The following ANKRD13B variants were observed in gnomAD, a reference collection of about 807,000 sequenced individuals.
ANKRD13B encodes the protein ankyrin repeat domain 13B.
ANKRD13B carries 33 observed loss-of-function variants against 74.4 expected under a neutral mutation model. That is an observed-to-expected ratio of 0.44 (90% CI 0.34 to 0.59). The LOEUF is 0.59. ANKRD13B is among the 20% of genes least tolerant of loss of function. The probability of loss-of-function intolerance (pLI) is 0.02; values close to 1 mark genes in which losing one functional copy is unlikely to be tolerated. For synonymous variants in ANKRD13B, 341 were observed against 362.9 expected, an observed-to-expected ratio of 0.94 and a Z score of 0.68; for missense variants, 676 against 877.9, an observed-to-expected ratio of 0.77 and a Z score of 2.91.
intron 1 of ANKRD13B, among the ~76,000 whole-genome samples, chr17:29,605,802 T>G (rs1043794549): frequency 6.6e-6 from 1 of 152,024 alleles, no homozygotes; most frequent in African/African-American, 2.4e-5. Context: ...TTTCTCATTG[T>G]TTATGGTGGC....
chr17:29,611,446 G>A lies in ANKRD13B; in HGVS notation c.905-133G>A. 1 of 838,302 alleles carries A rather than the reference G, an allele frequency of 1.2e-6. No individual in the cohort carries two copies. The highest frequency in any genetic ancestry group is 2.6e-5 in the East Asian group (1 of 39,196). The allele number at this position is 838,302 out of a possible 1,614,324, so 51.9% of individuals were successfully genotyped here. A position where few individuals can be genotyped will look rare whatever the true frequency, so the allele number is the denominator to read the frequency against. ...GTCCCCTTCAGGTGAAGGTGCCTGAGTATGTGGTTGGGTGAGCAGGCCCCA... is the reference window on the plus strand; with the variant it reads ...GTCCCCTTCAGGTGAAGGTGCCTGAATATGTGGTTGGGTGAGCAGGCCCCA... On this transcript the variant is annotated intron_variant, in intron 8 of 14. Coordinates refer to ENST00000394859, the MANE Select transcript of ANKRD13B (RefSeq NM_152345.5). This position sits in a 1 kb window ranked among gnomAD's most constrained non-coding sequence, Gnocchi z 4.3.
At chr17:29,606,190 C>A (rs758060233) in intron 1 of ANKRD13B, among the ~76,000 whole-genome samples, 1 of 151,194 alleles carries the variant, frequency 6.6e-6, no homozygotes, top group Non-Finnish European at 1.5e-5. Context: ...GGATTACAGG[C>A]GTGAGCTACC....
At chr17:29,610,268 C>A (rs1341531861) in intron 7 of ANKRD13B, among the ~76,000 whole-genome samples, 1 of 151,054 alleles carries the variant, frequency 6.6e-6, no homozygotes, top group African/African-American at 2.4e-5. Flanking sequence ...CAGGAACTAA[C>A]AAATGCCATG....
At chr17:29,601,245 A>G (rs2034166405) in intron 1 of ANKRD13B, among the ~76,000 whole-genome samples, 1 of 142,650 alleles carries the variant, frequency 7.0e-6, no homozygotes, top group African/African-American at 2.6e-5. Flanking sequence ...TTTTTGAGAC[A>G]GAGTCTCTCT....
rs758501197 is a variant in ANKRD13B, at chr17:29,607,786, C to T, written c.159C>T (p.His53=). The change falls in exon 2 of 15, where the codon CAC becomes CAT. Residue 53 remains histidine, a synonymous_variant. Transcript: ENST00000394859. The stretch of plus-strand genomic sequence containing the variant: ...ATCCCCGCGGCCGGACTCCCCTGCA[C>T]CTGGCCACCACGCTGGGGCACCTTG... ...QLDPRGRTPL[H]LATTLGHLEC... is the part of the protein sequence containing the mutation. 3.7e-6 allele frequency: 6 copies of T among 1,603,044 alleles called. No homozygotes were observed. In the East Asian group the frequency reaches 1.1e-4, roughly 30 times the overall value.
chr17:29,601,587 C>T (rs542294101), intron 1 of ANKRD13B, among the ~76,000 whole-genome samples: 1 of 152,288 alleles, frequency 6.6e-6, no homozygotes, highest in South Asian at 2.1e-4. Context: ...ATTCAAGTTT[C>T]TATCTGGGAT....
chr17:29,612,160 T>C lies in ANKRD13B; in HGVS notation c.1145T>C (p.Leu382Pro). The change falls in exon 11 of 15, where the codon CTG becomes CCG. Residue 382 changes from leucine to proline, a missense_variant. Physicochemically the swap from Leu to Pro is moderately conservative, Grantham distance 98. Transcript: ENST00000394859. This position sits in a 1 kb window ranked among gnomAD's most constrained non-coding sequence, Gnocchi z 6.1. ...CTGTGTGAGGAGCATCCCCTGTCCC[T>C]GTGTGAGCAGGTGGCCCCCATCATT... is the stretch of plus-strand genomic sequence containing the variant. The part of the protein sequence containing the change: ...LWLCEEHPLS[L>P]CEQVAPIIDL... 1 of 1,614,172 alleles carries C rather than the reference T, an allele frequency of 6.2e-7. No individual in the cohort carries two copies. Among genetic ancestry groups the C allele is most frequent in the Non-Finnish European group, 8.5e-7 (1 of 1,180,022 alleles).
chr17:29,612,991 C>T lies in ANKRD13B; in HGVS notation c.1652+28C>T, dbSNP rs1194335547. 6.3e-7 allele frequency: 1 copy of T among 1,587,230 alleles called. No individual in the cohort carries two copies. The highest frequency in any genetic ancestry group is 8.5e-7 in the Non-Finnish European group (1 of 1,174,500). On this transcript the variant is annotated intron_variant, in intron 14 of 14. Transcript: ENST00000394859. The surrounding 1 kb of genome is among the most constrained non-coding windows in gnomAD (Gnocchi z 6.1). ...CAGTGCCCGCTGGGCCGGAGAGAAT[C>T]CTCCGGAGAGGATCCTGTCTCCCCT... is the stretch of plus-strand genomic sequence containing the variant.
chr17:29,613,529 C>CAGGAGG lies in ANKRD13B; in HGVS notation c.1837_1842dup (p.Glu613_Glu614dup), dbSNP rs1316550163. 2 of 1,524,562 alleles carry CAGGAGG rather than the reference C, an allele frequency of 1.3e-6. No homozygotes were observed. Among genetic ancestry groups the CAGGAGG allele is most frequent in the Non-Finnish European group, 1.8e-6 (2 of 1,138,498 alleles). The allele number at this position is 1,524,562 out of a possible 1,614,324, so 94.4% of individuals were successfully genotyped here. A position where few individuals can be genotyped will look rare whatever the true frequency, so the allele number is the denominator to read the frequency against. On this transcript the variant is annotated inframe_insertion, in exon 15 of 15. Coordinates refer to ENST00000394859, the MANE Select transcript of ANKRD13B (RefSeq NM_152345.5). ...GGAGGAGAGGCGGCGGCGCGCGCGC[C>CAGGAGG]AGGAGGAGGAGGAGCTGGAGCGCAT...
At chr17:29,593,895 A>C (rs1467359594) in intron 1 of ANKRD13B, 160 bp downstream of exon 1, 69 of 315,764 alleles carry the variant, frequency 2.2e-4, no homozygotes, top group Middle Eastern at 9.1e-4. Flanking sequence ...GGAAAGGGTG[A>C]TCCCCTCCGG....
chr17:29,597,398 G>A (rs114148991), intron 1 of ANKRD13B, among the ~76,000 whole-genome samples: 390 of 152,272 alleles, frequency 2.6e-3, no homozygotes, highest in African/African-American at 9.2e-3. Flanking sequence ...GAGCGTACGA[G>A]TGTGTATCTG....
At position 29,612,813 on chromosome 17, in the gene ANKRD13B, C is replaced by T. The variant is rs374216804; in HGVS notation, c.1573C>T (p.Gln525Ter). ...GCTTGAGGCGGGCAGTGAGTATGAC[C>T]AGGTGCGTCTCCGCGGGCGCGCGGG... ...SLLEAGSEYD[Q>*]VTIWEALTNS... The change falls in exon 13 of 15, where the codon CAG (glutamine) becomes TAG (stop). Residue 525 changes from glutamine to a stop codon, truncating the protein, a stop_gained and splice_region_variant. Coordinates refer to ENST00000394859, the MANE Select transcript of ANKRD13B (RefSeq NM_152345.5). LOFTEE classifies it high-confidence loss of function. The surrounding 1 kb of genome is among the most constrained non-coding windows in gnomAD (Gnocchi z 6.1). The T allele has an allele frequency of 6.2e-7, 1 of 1,602,356 alleles. No individual in the cohort carries two copies. Among genetic ancestry groups the T allele is most frequent in the South Asian group, 1.1e-5 (1 of 90,804 alleles).
chr17:29,612,474 C>G lies in ANKRD13B; in HGVS notation c.1331C>G (p.Pro444Arg). ...CTCAACGGCTGCGACGAACCGGTGC[C>G]ATCGGTGCGAGGCAGCCCCAGCAGC... ...GNLNGCDEPV[P>R]SVRGSPSSET... The change falls in exon 12 of 15, where the codon CCA (proline) becomes CGA (arginine). Residue 444 changes from proline to arginine, a missense_variant. This residue lies in a region of ANKRD13B where 152 missense variants were observed against 181.4 expected (regional missense o/e 0.84). Transcript: ENST00000394859. The surrounding 1 kb of genome is among the most constrained non-coding windows in gnomAD (Gnocchi z 6.1). 6.3e-7 allele frequency: 1 copy of G among 1,599,270 alleles called. No homozygotes were observed. The highest frequency in any genetic ancestry group is 8.5e-7 in the Non-Finnish European group (1 of 1,172,978).
chr17:29,612,528 C>T lies in ANKRD13B; in HGVS notation c.1385C>T (p.Ser462Phe). 1 of 1,568,214 alleles carries T rather than the reference C, an allele frequency of 6.4e-7. No homozygotes were observed. The highest frequency in any genetic ancestry group is 8.6e-7 in the Non-Finnish European group (1 of 1,156,640). The change falls in exon 12 of 15, where the codon TCC (serine) becomes TTC (phenylalanine). Residue 462 changes from serine to phenylalanine, a missense_variant. Around this residue, in one of 4 missense-constraint regions of ANKRD13B, gnomAD observed 152 missense variants for 181.4 expected, o/e 0.84. Transcript: ENST00000394859. This position sits in a 1 kb window ranked among gnomAD's most constrained non-coding sequence, Gnocchi z 6.1. ...SETPSPGSDS[S>F]SVSSSSSTTS... ...ACGCCTTCCCCAGGCAGCGACTCCT[C>T]CAGCGTCAGCAGCTCCAGCTCCACG... is the stretch of plus-strand genomic sequence containing the variant.
chr17:29,594,552 A>G lies in ANKRD13B; in HGVS notation c.114+817A>G, dbSNP rs573859674. The stretch of plus-strand genomic sequence containing the variant: ...CCATGCTTCAGGATGTCTTCTGGCC[A>G]TGCTTCAGAACAAAGGCAGGCACAG... On this transcript the variant is annotated intron_variant, in intron 1 of 14. Coordinates refer to ENST00000394859, the MANE Select transcript of ANKRD13B (RefSeq NM_152345.5). Among the ~76,000 whole-genome samples the G allele has an allele frequency of 2.0e-5, 3 of 152,318 alleles. No homozygotes were observed. In the South Asian group the frequency reaches 6.2e-4, roughly 32 times the overall value.
In ANKRD13B at chr17:29,613,521, G is replaced by A; in HGVS notation, c.1820G>A (p.Arg607His). 1 of 1,525,210 alleles carries A rather than the reference G, an allele frequency of 6.6e-7. No individual in the cohort carries two copies. The highest frequency in any genetic ancestry group is 8.8e-7 in the Non-Finnish European group (1 of 1,138,842). The allele number at this position is 1,525,210 out of a possible 1,614,324, so 94.5% of individuals were successfully genotyped here. A position where few individuals can be genotyped will look rare whatever the true frequency, so the allele number is the denominator to read the frequency against. Residue 607 changes from arginine (R) to histidine (H), a missense_variant, in exon 15 of 15, where the codon CGC becomes CAC. Transcript: ENST00000394859. Reference sequence around the variant, plus strand: ...CAGGAGCAGGAGGAGAGGCGGCGGCGCGCGCGCCAGGAGGAGGAGGAGCTG... The same window carrying A: ...CAGGAGCAGGAGGAGAGGCGGCGGCACGCGCGCCAGGAGGAGGAGGAGCTG... ...SAQEQEERRR[R>H]ARQEEEELER...
chr17:29,600,634 A>G (rs981927672), intron 1 of ANKRD13B, among the ~76,000 whole-genome samples: 10 of 152,074 alleles, frequency 6.6e-5, no homozygotes, highest in Non-Finnish European at 1.3e-4. Context: ...GGACCAGGGG[A>G]TCCTGAATTG....
At chr17:29,605,103 A>C (rs987152752) in intron 1 of ANKRD13B, among the ~76,000 whole-genome samples, 1 of 152,200 alleles carries the variant, frequency 6.6e-6, no homozygotes, top group African/African-American at 2.4e-5. Context: ...AGAGACCCCT[A>C]TGCAGATTTC....
At chr17:29,601,919 T>A (rs2034193293) in intron 1 of ANKRD13B, among the ~76,000 whole-genome samples, 2 of 152,236 alleles carry the variant, frequency 1.3e-5, no homozygotes, top group South Asian at 4.1e-4. Flanking sequence ...ATAATGGACC[T>A]CATTTCTTTG....
Sources: allele counts gnomAD v4.1 joint callset (sites outside exome capture counted in the v4.1 genomes callset), GRCh38; gene constraint gnomAD v4.1.1; regional missense constraint gnomAD v4.1.1; non-coding constraint Gnocchi (gnomAD v3.1); transcripts MANE v1.5; gene names NCBI Gene and HGNC (gene_info 2026-07-23, HGNC 2026-07-21).